CRTC1: variants seen among roughly 807,000 people sequenced by gnomAD.
The protein encoded by CRTC1 is CREB regulated transcription coactivator 1, also known as CREB-regulated transcription coactivator 1.
A neutral mutation model predicts 66.1 loss-of-function variants in CRTC1; 18 were observed. The ratio of observed to expected loss-of-function variants is 0.27; its 90% CI spans 0.19 to 0.40. CRTC1 has a LOEUF of 0.40. Ranked by LOEUF, CRTC1 falls within the 10% of genes least tolerant of loss-of-function variation. CRTC1 has a pLI of 1.00. For missense variants in CRTC1, 669 were observed against 887.9 expected, an observed-to-expected ratio of 0.75 and a Z score of 3.13; for synonymous variants, 416 against 398.8, an observed-to-expected ratio of 1.04 and a Z score of -0.51.
At chr19:18,753,116 T>TAAAAAAAAA (rs929662181) in intron 5 of CRTC1, among the ~76,000 whole-genome samples, 2 of 147,650 alleles carry the variant, frequency 1.4e-5, no homozygotes, top group Non-Finnish European at 3.0e-5. Context: ...ATAAAAAAAA[T>TAAAAAAAAA]AAAAAAAAAA....
intron 4 of CRTC1, 27 bp from the exon 5 acceptor site, chr19:18,749,754 C>A: frequency 1.3e-6 from 2 of 1,588,946 alleles, no homozygotes; most frequent in Non-Finnish European, 1.7e-6. Flanking sequence ...GGCTGAGGCT[C>A]ATTGTCTCTT....
At chr19:18,722,377 G>A (rs971667603) in intron 1 of CRTC1, among the ~76,000 whole-genome samples, 4 of 152,160 alleles carry the variant, frequency 2.6e-5, no homozygotes, top group African/African-American at 7.2e-5. Context: ...GTCCTGGAAC[G>A]TGTGACTCTG....
At chr19:18,728,576 T>A (rs1600860931) in intron 1 of CRTC1, among the ~76,000 whole-genome samples, 1 of 151,322 alleles carries the variant, frequency 6.6e-6, no homozygotes, top group Non-Finnish European at 1.5e-5. Flanking sequence ...AGTGCGATCT[T>A]GGCTCAGTAA....
rs1198276878 is a variant in CRTC1, at chr19:18,731,793, C to CGGCTGCCT, written c.127-11109_127-11102dup. ...CCACAGCTTCCTGCTCGTCACACCT[C>CGGCTGCCT]GGCTGCCTGGCTGCCCCGGGGGGTG... On this transcript the variant is annotated intron_variant, in intron 1 of 13. Transcript: ENST00000321949. 4.6e-5 allele frequency among the ~76,000 whole-genome samples: 7 copies of CGGCTGCCT among 152,306 alleles called. No individual in the cohort carries two copies. The Middle Eastern group carries it at 0.01, about 222-fold the overall frequency.
At chr19:18,750,842 G>T (rs1600938063) in intron 5 of CRTC1, among the ~76,000 whole-genome samples, 1 of 152,204 alleles carries the variant, frequency 6.6e-6, no homozygotes, top group Admixed American at 6.5e-5. Flanking sequence ...ACACCCAGGG[G>T]TGCTGAGGAT....
At chr19:18,701,001 G>A (rs2053123347) in intron 1 of CRTC1, among the ~76,000 whole-genome samples, 1 of 152,252 alleles carries the variant, frequency 6.6e-6, no homozygotes, top group Non-Finnish European at 1.5e-5. Context: ...GCTGTAATTA[G>A]GACAGGAGTG....
At chr19:18,756,812 T>A (rs1292285579) in intron 6 of CRTC1, among the ~76,000 whole-genome samples, 1 of 152,166 alleles carries the variant, frequency 6.6e-6, no homozygotes, top group Non-Finnish European at 1.5e-5. Flanking sequence ...TTTTTAATAC[T>A]GCTCAGAAAT....
rs538488659 is a variant in CRTC1 at position 18,771,839 on chromosome 19, T to G, written c.1425+293T>G. 6.6e-6 allele frequency among the ~76,000 whole-genome samples: 1 copy of G among 152,268 alleles called. No individual in the cohort carries two copies. Among genetic ancestry groups the G allele is most frequent in the Non-Finnish European group, 1.5e-5 (1 of 68,018 alleles). ...TGTGGCCCTGCCTGGATGTCCTCAT[T>G]GAGTGGCCCAGGGACAATGCCCTCC... On this transcript the variant is annotated intron_variant, in intron 11 of 13. Transcript: ENST00000321949. This position sits in a 1 kb window ranked among gnomAD's most constrained non-coding sequence, Gnocchi z 4.6.
chr19:18,708,070 A>C (rs1239036764), intron 1 of CRTC1, among the ~76,000 whole-genome samples: 2 of 152,200 alleles, frequency 1.3e-5, no homozygotes, highest in African/African-American at 4.8e-5. Context: ...GCAGTGGGAC[A>C]TTAGGGGTGA....
At chr19:18,726,216 C>T (rs983805260) in intron 1 of CRTC1, among the ~76,000 whole-genome samples, 5 of 152,248 alleles carry the variant, frequency 3.3e-5, no homozygotes, top group Admixed American at 3.3e-4. Context: ...ACTCGGCGGA[C>T]GCTGCCAAAT....
chr19:18,735,868 T>C (rs2053986232), intron 1 of CRTC1, among the ~76,000 whole-genome samples: 1 of 152,182 alleles, frequency 6.6e-6, no homozygotes, highest in African/African-American at 2.4e-5. Flanking sequence ...TGCTGCCCGC[T>C]CTGGGCTGTG....
At chr19:18,775,398 G>C (rs531044114) in intron 12 of CRTC1, among the ~76,000 whole-genome samples, 1 of 152,362 alleles carries the variant, frequency 6.6e-6, no homozygotes, top group East Asian at 1.9e-4. Flanking sequence ...CTTGGTGGCA[G>C]CCTGGAGCTG....
Position 18,779,275 on chromosome 19 carries a change from T to C in CRTC1, c.*1893T>C, listed in dbSNP as rs1175534264. On this transcript the variant is annotated 3_prime_UTR_variant, in exon 14 of 14. Coordinates refer to ENST00000321949, the MANE Select transcript of CRTC1 (RefSeq NM_015321.3). The stretch of plus-strand genomic sequence containing the variant: ...TCCTAGCAACCATCCCTTCCTCTCT[T>C]TGCCCGGCAATGCCTTTGGCATGTG... 4.4e-6 allele frequency: 1 copy of C among 228,002 alleles called. No homozygotes were observed. Among genetic ancestry groups the C allele is most frequent in the Non-Finnish European group, 8.7e-6 (1 of 114,910 alleles). 14.1% of individuals were successfully genotyped at this position (228,002 alleles called of 1,614,324 possible).
intron 1 of CRTC1, among the ~76,000 whole-genome samples, chr19:18,716,426 A>G (rs1279384527): frequency 2.6e-5 from 4 of 151,916 alleles, no homozygotes; most frequent in Non-Finnish European, 4.4e-5. Flanking sequence ...TAATTTTTGT[A>G]TTTTTAGTAG....
chr19:18,715,556 G>A (rs1049735942), intron 1 of CRTC1, among the ~76,000 whole-genome samples: 2 of 152,168 alleles, frequency 1.3e-5, no homozygotes, highest in African/African-American at 2.4e-5. Context: ...CTGGGAGTAC[G>A]TCCCACAACA....
chr19:18,700,823 C>T (rs2053118338), intron 1 of CRTC1, among the ~76,000 whole-genome samples: 1 of 152,214 alleles, frequency 6.6e-6, no homozygotes, highest in African/African-American at 2.4e-5. Flanking sequence ...TCTGCAGAAC[C>T]TCGGAACCTC....
Position 18,775,048 on chromosome 19 carries a change from C to G in CRTC1, c.1512+62C>G. The G allele has an allele frequency of 2.0e-6, 3 of 1,506,578 alleles. No homozygotes were observed. The South Asian group carries it at 3.4e-5, about 17-fold the overall frequency. 93.3% of individuals were successfully genotyped at this position (1,506,578 alleles called of 1,614,324 possible). A position where few individuals can be genotyped will look rare whatever the true frequency, so the allele number is the denominator to read the frequency against. ...CAGGACAGATGCTTGCTGGGACCCTCGCTGGGACCCGGGCCTTGCGAGTCA... is the reference window on the plus strand; with the variant it reads ...CAGGACAGATGCTTGCTGGGACCCTGGCTGGGACCCGGGCCTTGCGAGTCA... On this transcript the variant is annotated intron_variant, in intron 12 of 13. Transcript: ENST00000321949.
At chr19:18,687,741 C>G (rs1045309207) in intron 1 of CRTC1, among the ~76,000 whole-genome samples, 1 of 152,160 alleles carries the variant, frequency 6.6e-6, no homozygotes, top group Non-Finnish European at 1.5e-5. Flanking sequence ...AGGTGTCTTG[C>G]TGCCGTGGAA....
chr19:18,699,786 G>A (rs967479038), intron 1 of CRTC1, among the ~76,000 whole-genome samples: 15 of 152,184 alleles, frequency 9.9e-5, no homozygotes, highest in African/African-American at 3.6e-4. Flanking sequence ...GGATGGGGAG[G>A]GTTTTGAGCA....
Sources: allele counts gnomAD v4.1 joint callset (sites outside exome capture counted in the v4.1 genomes callset), GRCh38; gene constraint gnomAD v4.1.1; non-coding constraint Gnocchi (gnomAD v3.1); transcripts MANE v1.5; gene names NCBI Gene and HGNC (gene_info 2026-07-23, HGNC 2026-07-21).